The following FBN2 variants were observed in gnomAD, a reference collection of about 807,000 sequenced individuals.
FBN2 encodes the protein fibrillin-2.
A neutral mutation model predicts 355.6 loss-of-function variants in FBN2; 105 were observed. The observed-to-expected ratio is 0.30, with a 90% confidence interval of 0.25 to 0.35. The LOEUF (loss-of-function observed/expected upper bound fraction) is 0.35, where lower values mean the gene tolerates loss of function less well. FBN2 is among the 10% of genes least tolerant of loss of function. The pLI is 1.00. For missense variants in FBN2, 3,280 were observed against 3,758.7 expected (o/e 0.87, Z 3.33); for synonymous variants, 1,350 against 1,301.2 (o/e 1.04, Z -0.81).
At position 128,441,317 on chromosome 5, in the gene FBN2, C is replaced by A. The variant is rs568832487; in HGVS notation, c.952+5164G>T. Among the ~76,000 whole-genome samples the A allele has an allele frequency of 3.3e-5, 5 of 152,314 alleles. No individual in the cohort carries two copies. The South Asian group carries it at 1.0e-3, about 32-fold the overall frequency. ...CTGCTGTCTCCATGAGTTTCCCCGT[C>A]AGTGCAGTCCCAGGCTGGGATGTGT... On this transcript the variant is annotated intron_variant, in intron 7 of 64. Transcript: ENST00000262464.
intron 8 of FBN2, among the ~76,000 whole-genome samples, chr5:128,400,832 C>G (rs1752779707): frequency 6.6e-6 from 1 of 152,174 alleles, no homozygotes; most frequent in South Asian, 2.1e-4. Context: ...TGTGTCCCCA[C>G]CCAAATCTCA....
chr5:128,530,730 A>G (rs1756679216), intron 2 of FBN2, 37 bp from the exon 3 acceptor site: 1 of 1,285,218 alleles, frequency 7.8e-7, no homozygotes, highest in South Asian at 1.2e-5. Flanking sequence ...ATGAATAACT[A>G]TATAATAAAC....
intron 7 of FBN2, among the ~76,000 whole-genome samples, chr5:128,431,542 C>T (rs926039068): frequency 3.3e-5 from 5 of 152,146 alleles, no homozygotes; most frequent in African/African-American, 4.8e-5. Flanking sequence ...CTTCCCTCTT[C>T]GCAATTACAC....
intron 7 of FBN2, among the ~76,000 whole-genome samples, chr5:128,417,069 CTTAG>C (rs2127010590): frequency 6.6e-6 from 1 of 152,088 alleles, no homozygotes; most frequent in South Asian, 2.1e-4. Context: ...AATTCACTTC[CTTAG>C]TTAAATTTAT....
intron 5 of FBN2, among the ~76,000 whole-genome samples, chr5:128,486,899 AATG>A (rs892797409): frequency 1.6e-4 from 25 of 152,176 alleles, no homozygotes; most frequent in African/African-American, 5.8e-4. Context: ...GTTTGCTCAG[AATG>A]ATGGTTTCCA....
Position 128,345,445 on chromosome 5 carries a change from A to G in FBN2, c.3129T>C (p.Pro1043=), listed in dbSNP as rs1751149207. The G allele has an allele frequency of 6.2e-7, 1 of 1,614,062 alleles. No homozygotes were observed. Among genetic ancestry groups the G allele is most frequent in the Non-Finnish European group, 8.5e-7 (1 of 1,180,034 alleles). The change falls in exon 24 of 65, where the codon CCT becomes CCC. Residue 1043 remains proline (P), a synonymous_variant. Transcript: ENST00000262464. ...WGTECEECPK[P]GTKEYETLCP... ...ACAGCGTCTCGTATTCCTTGGTGCC[A>G]GGTTTGGGGCACTCCTCACACTCGG...
chr5:128,444,054 C>CTTTTT lies in FBN2; in HGVS notation c.952+2422_952+2426dup, dbSNP rs35768962. On this transcript the variant is annotated intron_variant, in intron 7 of 64. Coordinates refer to ENST00000262464, the MANE Select transcript of FBN2 (RefSeq NM_001999.4). ...TTTATATAAGCAAATATCACTTGTT[C>CTTTTT]TTTTTTTTTTTTTTTTTTTTTTTTT... Among the ~76,000 whole-genome samples the CTTTTT allele has an allele frequency of 3.1e-3, 205 of 65,628 alleles. 20 individuals are homozygous for CTTTTT. Among genetic ancestry groups the CTTTTT allele is most frequent in the African/African-American group, 5.1e-3 (82 of 16,200 alleles). 43.1% of individuals were successfully genotyped at this position (65,628 alleles called of 152,430 possible).
Position 128,311,320 on chromosome 5 carries a change from T to G in FBN2, c.5054A>C (p.Glu1685Ala), listed in dbSNP as rs776175131. The G allele has an allele frequency of 5.0e-6, 8 of 1,614,120 alleles. No homozygotes were observed. The highest frequency in any genetic ancestry group is 6.8e-6 in the Non-Finnish European group (8 of 1,179,992). ...CTCACCTTCACAGATGCGGGTATCC[T>G]CGCTGAGGTAGTAGCCTTGTGGGCA... ...CECPQGYYLS[E>A]DTRICEDIDE... The change falls in exon 39 of 65, where the codon GAG (glutamate) becomes GCG (alanine). Residue 1685 changes from glutamate (E) to alanine (A), a missense_variant. By Grantham distance (107) the Glu-to-Ala change is moderately radical. Coordinates refer to ENST00000262464, the MANE Select transcript of FBN2 (RefSeq NM_001999.4).
intron 7 of FBN2, among the ~76,000 whole-genome samples, chr5:128,443,874 A>G (rs886237909): frequency 1.3e-5 from 2 of 152,078 alleles, no homozygotes; most frequent in South Asian, 2.1e-4. Flanking sequence ...TGCTATAGTT[A>G]TATTTTTATT....
chr5:128,387,402 T>G (rs1752395064), intron 11 of FBN2, among the ~76,000 whole-genome samples: 2 of 152,250 alleles, frequency 1.3e-5, no homozygotes, highest in Non-Finnish European at 1.5e-5. Context: ...ATGTATTCTC[T>G]CAAAGACCCA....
intron 20 of FBN2, among the ~76,000 whole-genome samples, chr5:128,352,666 T>G (rs767813018): frequency 6.6e-6 from 1 of 152,154 alleles, no homozygotes; most frequent in Non-Finnish European, 1.5e-5. Context: ...ACCAAGACAC[T>G]TGTTAAAATG....
intron 4 of FBN2, among the ~76,000 whole-genome samples, chr5:128,524,961 G>C (rs904644881): frequency 1.3e-5 from 2 of 152,104 alleles, no homozygotes; most frequent in African/African-American, 4.8e-5. Context: ...TGACACAGGG[G>C]CGGAAGAACA....
intron 5 of FBN2, among the ~76,000 whole-genome samples, chr5:128,477,738 T>C (rs1755043109): frequency 1.3e-5 from 2 of 152,190 alleles, no homozygotes; most frequent in South Asian, 2.1e-4. Flanking sequence ...CAAGTGTATC[T>C]GACACCAAAA....
At chr5:128,403,400 T>C (rs1341931607) in intron 8 of FBN2, among the ~76,000 whole-genome samples, 1 of 152,214 alleles carries the variant, frequency 6.6e-6, no homozygotes, top group African/African-American at 2.4e-5. Flanking sequence ...AAATGCTTAA[T>C]CCCATTTTCT....
chr5:128,495,509 C>T (rs1750984536), intron 5 of FBN2, among the ~76,000 whole-genome samples: 1 of 151,968 alleles, frequency 6.6e-6, no homozygotes, highest in Non-Finnish European at 1.5e-5. Flanking sequence ...AGACATATCA[C>T]AGTAAAAACA....
At chr5:128,327,720 C>A (rs1750594322) in intron 34 of FBN2, among the ~76,000 whole-genome samples, 1 of 151,950 alleles carries the variant, frequency 6.6e-6, no homozygotes, top group Admixed American at 6.6e-5. Flanking sequence ...CTCACCGCAA[C>A]CTCCGCCTCC....
chr5:128,359,435 C>A (rs558051554), intron 19 of FBN2, among the ~76,000 whole-genome samples: 1 of 151,986 alleles, frequency 6.6e-6, no homozygotes, highest in Non-Finnish European at 1.5e-5. Context: ...AGATTAGTAG[C>A]CTTCAAGTCT....
intron 15 of FBN2, among the ~76,000 whole-genome samples, chr5:128,373,752 A>T (rs2126953499): frequency 6.6e-6 from 1 of 152,286 alleles, no homozygotes; most frequent in Non-Finnish European, 1.5e-5. Context: ...AACGCCAGTG[A>T]CGCTTCTGTT....
chr5:128,479,800 G>T (rs543128017), intron 5 of FBN2, among the ~76,000 whole-genome samples: 1 of 151,482 alleles, frequency 6.6e-6, no homozygotes, highest in African/African-American at 2.4e-5. Context: ...GGTAGAATGT[G>T]CCTGTCATGC....
Sources: allele counts gnomAD v4.1 joint callset (sites outside exome capture counted in the v4.1 genomes callset), GRCh38; gene constraint gnomAD v4.1.1; transcripts MANE v1.5; gene names NCBI Gene and HGNC (gene_info 2026-07-23, HGNC 2026-07-21).